Variants in TPRG1 observed in about 807,000 individuals in gnomAD.
TPRG1 encodes tumor protein p63 regulated 1, also known as tumor protein p63-regulated gene 1 protein.
A neutral mutation model predicts 29.3 loss-of-function variants in TPRG1; 29 were observed. That is an observed-to-expected ratio of 0.99 (90% CI 0.74 to 1.35). TPRG1 has a LOEUF of 1.35. TPRG1 is among the 40% of genes most tolerant of loss of function. The probability of loss-of-function intolerance (pLI) is 0.00; values close to 1 mark genes in which losing one functional copy is unlikely to be tolerated. For missense variants in TPRG1, 327 were observed against 335.0 expected (o/e 0.98, Z 0.19); for synonymous variants, 130 against 116.8 (o/e 1.11, Z -0.73).
At chr3:189,141,908 A>G (rs1724621034) in intron 3 of TPRG1, among the ~76,000 whole-genome samples, 1 of 152,220 alleles carries the variant, frequency 6.6e-6, no homozygotes, top group Non-Finnish European at 1.5e-5. Flanking sequence ...TGGGATATGA[A>G]GGATTTCTCC....
chr3:189,069,364 G>A (rs1019579639), intron 4 of TPRG1, among the ~76,000 whole-genome samples: 4 of 152,138 alleles, frequency 2.6e-5, no homozygotes, highest in Admixed American at 2.0e-4. Context: ...TGGGCCAGAC[G>A]ACAGTGAGTA....
intron 1 of TPRG1, among the ~76,000 whole-genome samples, chr3:188,998,800 C>G (rs848992): frequency 0.93 from 141,603 of 152,214 alleles, 66,720 homozygotes; most frequent in East Asian, 1. Flanking sequence ...TGGAATGATG[C>G]TTACCAGAGG....
At chr3:189,045,928 G>C (rs1185754883) in intron 4 of TPRG1, among the ~76,000 whole-genome samples, 1 of 152,174 alleles carries the variant, frequency 6.6e-6, no homozygotes, top group Non-Finnish European at 1.5e-5. Context: ...GCTGGGGCCA[G>C]CAAGGGAAGG....
intron 1 of TPRG1, among the ~76,000 whole-genome samples, chr3:189,195,695 C>T (rs1361878925): frequency 6.6e-6 from 1 of 152,154 alleles, no homozygotes; most frequent in African/African-American, 2.4e-5. Flanking sequence ...AGCTGGGGAT[C>T]CCAGGGTTGA....
chr3:189,255,691 C>T (rs141780074), intron 4 of TPRG1, among the ~76,000 whole-genome samples: 2,492 of 152,200 alleles, frequency 0.016, 72 homozygotes, highest in African/African-American at 0.057. Context: ...ATTACTGCCT[C>T]AATTTCAGAA....
chr3:189,053,656 G>A (rs547126506), intron 4 of TPRG1, among the ~76,000 whole-genome samples: 98 of 152,246 alleles, frequency 6.4e-4, no homozygotes, highest in African/African-American at 2.2e-3. Flanking sequence ...CCAGGAGGAC[G>A]GATTTGAGAC....
At chr3:189,286,676 A>T (rs1576963754) in intron 4 of TPRG1, among the ~76,000 whole-genome samples, 1 of 152,230 alleles carries the variant, frequency 6.6e-6, no homozygotes, top group East Asian at 1.9e-4. Context: ...TAGGCCAGCC[A>T]CATGCATATG....
intron 3 of TPRG1, among the ~76,000 whole-genome samples, chr3:189,137,782 A>G (rs902617563): frequency 1.3e-5 from 2 of 152,100 alleles, no homozygotes; most frequent in Non-Finnish European, 2.9e-5. Context: ...GTGTCTCTGT[A>G]TGTAGCCAGT....
intron 4 of TPRG1, among the ~76,000 whole-genome samples, chr3:189,269,816 G>A (rs911048413): frequency 2.0e-5 from 3 of 152,108 alleles, no homozygotes; most frequent in African/African-American, 7.2e-5. Context: ...ACTTAAAGAT[G>A]GGTAAACAGC....
intron 4 of TPRG1, among the ~76,000 whole-genome samples, chr3:189,247,337 G>T (rs1016528659): frequency 6.6e-6 from 1 of 151,600 alleles, no homozygotes; most frequent in African/African-American, 2.4e-5. Context: ...ATTTTCTTAA[G>T]AAATTTTATA....
chr3:189,235,807 G>A (rs1300134894), intron 3 of TPRG1, among the ~76,000 whole-genome samples: 2 of 152,164 alleles, frequency 1.3e-5, no homozygotes, highest in African/African-American at 4.8e-5. Context: ...TGTTTGTTGG[G>A]TGCAGAGCAT....
intron 4 of TPRG1, among the ~76,000 whole-genome samples, chr3:189,040,989 T>C (rs1006390099): frequency 6.6e-6 from 1 of 152,194 alleles, no homozygotes; most frequent in Non-Finnish European, 1.5e-5. Flanking sequence ...CTTCTGGTCT[T>C]TCCCTGACTG....
chr3:189,107,712 C>T (rs1032165355), intron 1 of TPRG1, among the ~76,000 whole-genome samples: 7 of 152,062 alleles, frequency 4.6e-5, no homozygotes, highest in African/African-American at 1.7e-4. Flanking sequence ...AAAAAATGTG[C>T]ATATCCCTGT....
chr3:189,001,824 T>C (rs1478282480), intron 2 of TPRG1, among the ~76,000 whole-genome samples: 1 of 152,150 alleles, frequency 6.6e-6, no homozygotes. Flanking sequence ...TAAGATGAGC[T>C]CCATGACCCT....
chr3:189,128,062 T>C (rs1396760253), intron 2 of TPRG1, among the ~76,000 whole-genome samples: 1 of 152,230 alleles, frequency 6.6e-6, no homozygotes, highest in Non-Finnish European at 1.5e-5. Context: ...ATCTGCACAG[T>C]ATTTTTATCA....
chr3:189,072,491 C>G (rs955169680), intron 4 of TPRG1, among the ~76,000 whole-genome samples: 1 of 151,864 alleles, frequency 6.6e-6, no homozygotes, highest in Non-Finnish European at 1.5e-5. Context: ...GAAATTATCC[C>G]TTTATGGCTA....
chr3:189,287,985 TAA>T (rs1049249829), intron 4 of TPRG1, among the ~76,000 whole-genome samples: 4 of 151,804 alleles, frequency 2.6e-5, no homozygotes, highest in Non-Finnish European at 5.9e-5. Context: ...TAAAAAAATT[TAA>T]GTTAATAAAA....
chr3:189,039,532 A>G (rs1423554021), intron 4 of TPRG1, among the ~76,000 whole-genome samples: 1 of 152,220 alleles, frequency 6.6e-6, no homozygotes, highest in African/African-American at 2.4e-5. Flanking sequence ...AACAACAGAA[A>G]TCTGTGACAT....
intron 4 of TPRG1, among the ~76,000 whole-genome samples, chr3:189,052,487 C>T (rs1715385664): frequency 6.6e-6 from 1 of 152,164 alleles, no homozygotes; most frequent in African/African-American, 2.4e-5. Flanking sequence ...TTCTACACTG[C>T]TGGTGGGAAT....
Sources: gnomAD v4.1 joint callset for allele counts (sites outside exome capture counted in the v4.1 genomes callset) on GRCh38, gnomAD v4.1.1 for gene constraint, MANE v1.5 for transcripts, NCBI Gene and HGNC (gene_info 2026-07-23, HGNC 2026-07-21) for gene names.